Variants in PCDHA5 observed in about 807,000 individuals in gnomAD.
PCDHA5 encodes the protein protocadherin alpha 5.
A neutral mutation model predicts 61.6 loss-of-function variants in PCDHA5; 43 were observed. That is an observed-to-expected ratio of 0.70 (90% CI 0.55 to 0.90). PCDHA5 has a LOEUF of 0.90. Among genes scored for constraint, PCDHA5 ranks in the 40% least tolerant of loss-of-function variants. The pLI, the probability that PCDHA5 is intolerant of heterozygous loss-of-function variation, is 0.00. For missense variants in PCDHA5, 1,298 were observed against 1,222.7 expected (o/e 1.06, Z -0.92); for synonymous variants, 627 against 543.9 (o/e 1.15, Z -2.13).
At chr5:140,860,539 A>C (rs1017009247) in intron 1 of PCDHA5, 4 of 152,206 alleles carry the variant, frequency 2.6e-5, no homozygotes, top group African/African-American at 7.2e-5. Flanking sequence ...TTTGTAAGAC[A>C]AACCCACCTT....
chr5:140,978,295 A>G (rs1222694864), intron 1 of PCDHA5, among the ~76,000 whole-genome samples: 2 of 152,246 alleles, frequency 1.3e-5, no homozygotes, highest in Non-Finnish European at 2.9e-5. Context: ...GAGGAGGGAA[A>G]GCACTCAGGA....
intron 1 of PCDHA5, among the ~76,000 whole-genome samples, chr5:140,949,848 C>T (rs534650997): frequency 2.2e-4 from 34 of 151,738 alleles, no homozygotes; most frequent in African/African-American, 6.0e-4. Flanking sequence ...CTTCTGTTTC[C>T]GCTTATCTGT....
Position 140,853,795 on chromosome 5 carries a change from T to C in PCDHA5, c.2352+29668T>C. On this transcript the variant is annotated intron_variant, in intron 1 of 3. Coordinates refer to ENST00000529859, the MANE Select transcript of PCDHA5 (RefSeq NM_018908.3). ...AATGGGTAGTAAGAGCAAATTTTCA[T>C]TTTAAAGCACACCTGAGATGATTCT... is the stretch of plus-strand genomic sequence containing the variant. 3 of 987,582 alleles carry C rather than the reference T, an allele frequency of 3.0e-6. 1 individual carries two copies. The highest frequency in any genetic ancestry group is 3.7e-6 in the Non-Finnish European group (3 of 819,504). The allele number at this position is 987,582 out of a possible 1,614,324, so 61.2% of individuals were successfully genotyped here.
chr5:140,884,478 C>G, intron 1 of PCDHA5: 1 of 1,613,916 alleles, frequency 6.2e-7, no homozygotes, highest in African/African-American at 1.3e-5. Context: ...CCGGGCAAGC[C>G]CACTCTAGTG....
At chr5:140,868,461 GC>G (rs1399202356) in intron 1 of PCDHA5, 1 of 152,356 alleles carries the variant, frequency 6.6e-6, no homozygotes, top group African/African-American at 2.4e-5. Flanking sequence ...CTAAAGAGCT[GC>G]TTTTATAAAA....
Position 140,982,372 on chromosome 5 carries a change from C to G in PCDHA5, c.2412-103C>G, listed in dbSNP as rs1479669249. 1.9e-6 allele frequency: 3 copies of G among 1,554,840 alleles called. No homozygotes were observed. In the East Asian group the frequency reaches 7.0e-5, roughly 36 times the overall value. ...TTCAAGCATGAGCAGAATGTGTTAG[C>G]TGCAGCCCTGGCTTCATAGTTGTAA... On this transcript the variant is annotated intron_variant, in intron 2 of 3. Coordinates refer to ENST00000529859, the MANE Select transcript of PCDHA5 (RefSeq NM_018908.3).
intron 1 of PCDHA5, among the ~76,000 whole-genome samples, chr5:140,893,139 C>G (rs2063839594): frequency 6.6e-6 from 1 of 152,186 alleles, no homozygotes; most frequent in East Asian, 1.9e-4. Context: ...TCTTTATCCA[C>G]TCATCTGTTG....
intron 1 of PCDHA5, among the ~76,000 whole-genome samples, chr5:140,916,329 T>C (rs1554197398): frequency 6.6e-6 from 1 of 152,178 alleles, no homozygotes; most frequent in African/African-American, 2.4e-5. Context: ...TCCCCTTTAC[T>C]TTTTCCTCTG....
rs554450758 is a variant in PCDHA5, at chr5:140,895,787, C to T, written c.2352+71660C>T. On this transcript the variant is annotated intron_variant, in intron 1 of 3. Coordinates refer to ENST00000529859, the MANE Select transcript of PCDHA5 (RefSeq NM_018908.3). ...TTTATGGCTGCATAGTATTCAATGA[C>T]GTATATGTACAATACTGTATTGTAT... 8.5e-5 allele frequency among the ~76,000 whole-genome samples: 13 copies of T among 152,124 alleles called. No homozygotes were observed. The South Asian group carries it at 2.1e-3, about 24-fold the overall frequency.
chr5:141,000,737 G>A (rs1449947824), intron 3 of PCDHA5, among the ~76,000 whole-genome samples: 21 of 149,738 alleles, frequency 1.4e-4, no homozygotes, highest in African/African-American at 5.0e-4. Context: ...CCCTATCTCT[G>A]TATATTAAAA....
chr5:140,999,265 A>G (rs1554256725), intron 3 of PCDHA5, among the ~76,000 whole-genome samples: 1 of 152,226 alleles, frequency 6.6e-6, no homozygotes, highest in African/African-American at 2.4e-5. Flanking sequence ...GTAAAGGAAT[A>G]CTGCATAGTA....
chr5:140,842,552 A>T, intron 1 of PCDHA5: 1 of 1,596,224 alleles, frequency 6.3e-7, no homozygotes, highest in Non-Finnish European at 8.6e-7. Flanking sequence ...GGTGCTGGAC[A>T]GCGCCCTGGA....
At chr5:141,003,913 T>C (rs1554259375) in intron 3 of PCDHA5, among the ~76,000 whole-genome samples, 1 of 152,206 alleles carries the variant, frequency 6.6e-6, no homozygotes, top group African/African-American at 2.4e-5. Flanking sequence ...GGGTCTTGAC[T>C]GCATCCTCAG....
chr5:141,010,949 C>T lies in PCDHA5; in HGVS notation c.*1012C>T, dbSNP rs1554263219. The T allele has an allele frequency of 6.5e-6, 1 of 153,762 alleles. No individual in the cohort carries two copies. Among genetic ancestry groups the T allele is most frequent in the African/African-American group, 2.4e-5 (1 of 41,442 alleles). 9.5% of individuals were successfully genotyped at this position (153,762 alleles called of 1,614,324 possible). On this transcript the variant is annotated 3_prime_UTR_variant, in exon 4 of 4. Transcript: ENST00000529859. ...TTCAGTCTACAGCCATTTAAATGAT[C>T]ATTGCTGCTACAGAAGTGCTTTAAG...
At chr5:141,001,473 G>A (rs1172395730) in intron 3 of PCDHA5, among the ~76,000 whole-genome samples, 1 of 152,220 alleles carries the variant, frequency 6.6e-6, no homozygotes, top group African/African-American at 2.4e-5. Flanking sequence ...AAGCAGCAGC[G>A]GGGAAGTGCT....
chr5:140,987,075 G>C (rs564788093), intron 3 of PCDHA5, among the ~76,000 whole-genome samples: 1 of 152,006 alleles, frequency 6.6e-6, no homozygotes, highest in Admixed American at 6.5e-5. Context: ...TGAGCTGGGC[G>C]TGGTGGCAGG....
chr5:140,978,377 G>A (rs1382683424), intron 1 of PCDHA5, among the ~76,000 whole-genome samples: 3 of 152,212 alleles, frequency 2.0e-5, no homozygotes, highest in Non-Finnish European at 4.4e-5. Context: ...GCAATAGTTT[G>A]TTTTCCTCTC....
chr5:140,920,282 T>C (rs1554199556), intron 1 of PCDHA5, among the ~76,000 whole-genome samples: 1 of 152,218 alleles, frequency 6.6e-6, no homozygotes, highest in African/African-American at 2.4e-5. Context: ...TAATCTTATA[T>C]TTTTTAGAGG....
intron 1 of PCDHA5, chr5:140,926,741 A>G (rs572260372): frequency 1.7e-6 from 2 of 1,192,504 alleles, no homozygotes; most frequent in South Asian, 2.4e-5. Flanking sequence ...GGGAGGCGCA[A>G]CGTCGGCGGT....
Sources: allele counts gnomAD v4.1 joint callset (sites outside exome capture counted in the v4.1 genomes callset), GRCh38; gene constraint gnomAD v4.1.1; transcripts MANE v1.5; gene names NCBI Gene and HGNC (gene_info 2026-07-23, HGNC 2026-07-21).